BMPER: variants seen among roughly 807,000 people sequenced by gnomAD.
BMPER encodes BMP binding endothelial regulator.
Under a neutral mutation model 87.3 loss-of-function variants are expected in BMPER, and 45 were observed. That is an observed-to-expected ratio of 0.52 (90% CI 0.41 to 0.66). BMPER has a LOEUF of 0.66. BMPER is among the 30% of genes least tolerant of loss of function. BMPER has a pLI of 0.00. For missense variants in BMPER, 784 were observed against 867.5 expected, an observed-to-expected ratio of 0.90 and a Z score of 1.21; for synonymous variants, 326 against 316.2, an observed-to-expected ratio of 1.03 and a Z score of -0.33.
At chr7:34,092,404 A>G (rs955903289) in intron 13 of BMPER, among the ~76,000 whole-genome samples, 3 of 152,064 alleles carry the variant, frequency 2.0e-5, no homozygotes, top group African/African-American at 4.8e-5. Context: ...ACTCGCATCC[A>G]CAGATGTTTC....
chr7:34,052,036 A>C (rs1365419090), intron 8 of BMPER, 66 bp downstream of exon 8: 1 of 1,355,794 alleles, frequency 7.4e-7, no homozygotes, highest in East Asian at 2.3e-5. Context: ...TTAACATCAC[A>C]GCCATAGCCA....
Position 34,054,445 on chromosome 7 carries a change from A to G in BMPER, c.787-718A>G, listed in dbSNP as rs554596571. The stretch of plus-strand genomic sequence containing the variant: ...TTGAAGTTGGTTTATAATAATTTCT[A>G]TGTGCCAGGTATTTTACATTTAAGA... On this transcript the variant is annotated intron_variant, in intron 8 of 14. Coordinates refer to ENST00000649409, the MANE Select transcript of BMPER (RefSeq NM_001365308.1). Among the ~76,000 whole-genome samples the G allele has an allele frequency of 4.6e-5, 7 of 152,322 alleles. No individual in the cohort carries two copies. In the East Asian group the frequency reaches 7.7e-4, roughly 17 times the overall value.
chr7:34,073,743 C>T (rs1005189590), intron 11 of BMPER, among the ~76,000 whole-genome samples: 3 of 152,234 alleles, frequency 2.0e-5, no homozygotes, highest in African/African-American at 7.2e-5. Context: ...AGTGTGACTA[C>T]AAGATAGAGT....
intron 3 of BMPER, among the ~76,000 whole-genome samples, chr7:33,943,690 C>T (rs562903114): frequency 3.3e-5 from 5 of 152,278 alleles, no homozygotes; most frequent in South Asian, 2.1e-4. Context: ...GCCCTTTCTC[C>T]GTAAAAGATG....
chr7:33,908,244 A>C (rs879737929), intron 2 of BMPER, among the ~76,000 whole-genome samples: 22 of 152,134 alleles, frequency 1.4e-4, no homozygotes, highest in Non-Finnish European at 2.8e-4. Flanking sequence ...TATCTGTGTA[A>C]TGTGAGTGAA....
chr7:34,079,316 C>G, intron 12 of BMPER, 130 bp downstream of exon 12: 18 of 1,200,778 alleles, frequency 1.5e-5, no homozygotes, highest in Non-Finnish European at 2.0e-5. Flanking sequence ...GAGCCAGGTT[C>G]CAACTGCGGG....
intron 9 of BMPER, among the ~76,000 whole-genome samples, chr7:34,056,273 A>G (rs1788281977): frequency 6.6e-6 from 1 of 152,180 alleles, no homozygotes; most frequent in South Asian, 2.1e-4. Context: ...ATTAGAAAGG[A>G]TGGCTAATGC....
intron 7 of BMPER, among the ~76,000 whole-genome samples, chr7:34,050,252 A>G (rs1027181380): frequency 2.6e-5 from 4 of 152,174 alleles, no homozygotes; most frequent in South Asian, 2.1e-4. Flanking sequence ...TATTAACACC[A>G]TAGTTAGAGG....
At chr7:33,989,482 T>C (rs1228358628) in intron 6 of BMPER, among the ~76,000 whole-genome samples, 9 of 152,206 alleles carry the variant, frequency 5.9e-5, no homozygotes, top group Non-Finnish European at 1.2e-4. Flanking sequence ...TTCTTGTAAA[T>C]TTGTTTGAGT....
intron 6 of BMPER, among the ~76,000 whole-genome samples, chr7:34,020,041 G>A (rs1787139225): frequency 6.6e-6 from 1 of 151,402 alleles, no homozygotes; most frequent in Admixed American, 6.6e-5. Flanking sequence ...AAAGGGAAGT[G>A]AGGGAACAGC....
chr7:34,009,963 TTA>T (rs1171588675), intron 6 of BMPER, among the ~76,000 whole-genome samples: 1 of 151,942 alleles, frequency 6.6e-6, no homozygotes, highest in African/African-American at 2.4e-5. Flanking sequence ...TTCTAGGTAA[TTA>T]TGATGAGATA....
At chr7:34,024,989 C>T (rs980792665) in intron 6 of BMPER, among the ~76,000 whole-genome samples, 1 of 151,986 alleles carries the variant, frequency 6.6e-6, no homozygotes, top group Non-Finnish European at 1.5e-5. Flanking sequence ...TCAGGTAATA[C>T]AGTTTTCAGA....
chr7:34,080,018 T>C (rs956014708), intron 12 of BMPER, among the ~76,000 whole-genome samples: 2 of 152,226 alleles, frequency 1.3e-5, no homozygotes, highest in African/African-American at 4.8e-5. Flanking sequence ...ACACTTTGTG[T>C]ATCATGTATG....
chr7:33,995,030 T>C (rs1444257296), intron 6 of BMPER, among the ~76,000 whole-genome samples: 2 of 152,196 alleles, frequency 1.3e-5, no homozygotes, highest in Non-Finnish European at 2.9e-5. Context: ...ATCTTAAAAT[T>C]TACTTTTGAA....
intron 13 of BMPER, among the ~76,000 whole-genome samples, chr7:34,131,223 G>T (rs1790578513): frequency 6.6e-6 from 1 of 152,080 alleles, no homozygotes; most frequent in Non-Finnish European, 1.5e-5. Context: ...CCCACTGATG[G>T]GTGGGGGTGG....
At chr7:33,914,583 G>A (rs79588395) in intron 2 of BMPER, among the ~76,000 whole-genome samples, 2 of 152,136 alleles carry the variant, frequency 1.3e-5, no homozygotes, top group East Asian at 1.9e-4. Context: ...TTAAAAGATC[G>A]TGAGTTCAGT....
chr7:33,925,566 A>C (rs528223016), intron 2 of BMPER, among the ~76,000 whole-genome samples: 2 of 152,348 alleles, frequency 1.3e-5, no homozygotes, highest in Middle Eastern at 3.4e-3. Flanking sequence ...TTAGAATGTA[A>C]GTTAAAATCC....
chr7:34,051,998 C>T, intron 8 of BMPER, 28 bp downstream of exon 8: 1 of 1,568,918 alleles, frequency 6.4e-7, no homozygotes, highest in Non-Finnish European at 8.8e-7. Flanking sequence ...GGCTGTGGTC[C>T]AGCAATGATA....
chr7:33,955,997 G>T lies in BMPER; in HGVS notation c.320-10482G>T, dbSNP rs182318923. 7.4e-4 allele frequency among the ~76,000 whole-genome samples: 112 copies of T among 152,110 alleles called. 1 individual carries two copies. In the Middle Eastern group the frequency reaches 0.014, roughly 18 times the overall value. ...TTTTTAAACACATGGCACTGGAGCA[G>T]TGAGCTGTTCATAGACAGACAAACA... On this transcript the variant is annotated intron_variant, in intron 3 of 14. Coordinates refer to ENST00000649409, the MANE Select transcript of BMPER (RefSeq NM_001365308.1).
Sources: allele counts gnomAD v4.1 joint callset (sites outside exome capture counted in the v4.1 genomes callset), GRCh38; gene constraint gnomAD v4.1.1; transcripts MANE v1.5; gene names NCBI Gene and HGNC (gene_info 2026-07-23, HGNC 2026-07-21).